USH2A: variants seen among roughly 807,000 people sequenced by gnomAD.
USH2A encodes the protein Usher syndrome 2A (autosomal recessive, mild).
A neutral mutation model predicts 538.9 loss-of-function variants in USH2A; 443 were observed. The ratio of observed to expected loss-of-function variants is 0.82; its 90% CI spans 0.76 to 0.89. The LOEUF (loss-of-function observed/expected upper bound fraction) is 0.89, where lower values mean the gene tolerates loss of function less well. Among genes scored for constraint, USH2A ranks in the 40% least tolerant of loss-of-function variants. USH2A has a pLI of 0.00. For synonymous variants in USH2A, 2,413 were observed against 2,273.5 expected (o/e 1.06, Z -1.75); for missense variants, 6,633 against 6,324.8 (o/e 1.05, Z -1.65).
intron 64 of USH2A, 144 bp downstream of exon 64, chr1:215,670,828 C>T (rs1031671904): frequency 7.1e-6 from 6 of 839,412 alleles, no homozygotes; most frequent in Non-Finnish European, 1.1e-5. Flanking sequence ...TCATTTACCA[C>T]TTAAAAATTT....
rs376077079 is a variant in USH2A, at chr1:215,671,273, G to C, written c.13832C>G (p.Ala4611Gly). The change falls in exon 64 of 72, where the codon GCG becomes GGG. Residue 4611 changes from alanine (A) to glycine (G), a missense_variant. Physicochemically the swap from Ala to Gly is moderately conservative, Grantham distance 60 (BLOSUM62 0). Coordinates refer to ENST00000307340, the MANE Select transcript of USH2A (RefSeq NM_206933.4). The stretch of plus-strand genomic sequence containing the variant: ...TGATGCACATCCCAGGGTGGTGCAC[G>C]CTTGAATTCGTATTTCATACCTTCA... ...PFHRYEIRIQ[A>G]CTTLGCASSD... 5 of 1,613,944 alleles carry C rather than the reference G, an allele frequency of 3.1e-6. No individual in the cohort carries two copies. The highest frequency in any genetic ancestry group is 4.2e-6 in the Non-Finnish European group (5 of 1,179,982).
chr1:216,274,794 C>T (rs2036640138), intron 11 of USH2A, among the ~76,000 whole-genome samples: 1 of 152,016 alleles, frequency 6.6e-6, no homozygotes. Context: ...TTTTCTTTTC[C>T]AGTCTACAAT....
In USH2A at chr1:216,337,665, T is replaced by C. The variant is rs564578441; in HGVS notation, c.785-10011A>G. Among the ~76,000 whole-genome samples the C allele has an allele frequency of 1.4e-3, 209 of 151,408 alleles. 1 individual carries two copies. Among genetic ancestry groups the C allele is most frequent in the Non-Finnish European group, 2.6e-3 (178 of 67,432 alleles). On this transcript the variant is annotated intron_variant, in intron 4 of 71. Transcript: ENST00000307340. ...TTTTTTTCCAAGATTGTTAAAGGAA[T>C]GTCTAGACCTCACAATCAGACAAAG...
chr1:216,230,876 A>T (rs2762676), intron 14 of USH2A, among the ~76,000 whole-genome samples: 21 of 75,174 alleles, frequency 2.8e-4, no homozygotes, highest in East Asian at 2.1e-3. Context: ...TCATAATCTC[A>T]CTCTCTCTCT....
rs980149675 is a variant in USH2A, at chr1:216,176,104, A to G, written c.4397-622T>C. 2.6e-5 allele frequency among the ~76,000 whole-genome samples: 4 copies of G among 152,346 alleles called. No individual in the cohort carries two copies. In the East Asian group the frequency reaches 7.7e-4, roughly 29 times the overall value. ...GGAATATTAACACGAGTTTGCCAAA[A>G]CTTTGTGCTTGTGTAAAAATACATC... On this transcript the variant is annotated intron_variant, in intron 20 of 71. Coordinates refer to ENST00000307340, the MANE Select transcript of USH2A (RefSeq NM_206933.4).
chr1:215,824,696 G>A (rs1340643118), intron 47 of USH2A, among the ~76,000 whole-genome samples: 3 of 152,120 alleles, frequency 2.0e-5, no homozygotes, highest in African/African-American at 4.8e-5. Flanking sequence ...AGAGCCCTTC[G>A]GGCACTCCTG....
At chr1:216,308,576 G>A (rs1200572997) in intron 9 of USH2A, among the ~76,000 whole-genome samples, 1 of 152,000 alleles carries the variant, frequency 6.6e-6, no homozygotes, top group Non-Finnish European at 1.5e-5. Flanking sequence ...AGTTATATAT[G>A]TGTTGTCTTG....
At chr1:216,082,506 G>C (rs1160244917) in intron 26 of USH2A, among the ~76,000 whole-genome samples, 4 of 148,840 alleles carry the variant, frequency 2.7e-5, no homozygotes, top group Non-Finnish European at 1.5e-5. Flanking sequence ...ACTCTTAAAA[G>C]CCAAGACTTG....
chr1:215,654,444 G>T (rs1657179330), intron 64 of USH2A, among the ~76,000 whole-genome samples: 1 of 152,186 alleles, frequency 6.6e-6, no homozygotes, highest in Non-Finnish European at 1.5e-5. Flanking sequence ...AAAGATTAAA[G>T]ATGATTAAAG....
In USH2A at chr1:216,234,742, G is replaced by A. The variant is rs1026321146; in HGVS notation, c.2810-2606C>T. 5.3e-5 allele frequency among the ~76,000 whole-genome samples: 8 copies of A among 152,070 alleles called. No individual in the cohort carries two copies. The East Asian group carries it at 7.7e-4, about 15-fold the overall frequency. Reference sequence around the variant, plus strand: ...CAGAGAATTTGGAAAAATTAAGGGTGATTTTTAGAAGAAATGATGTATTAG... The same window carrying A: ...CAGAGAATTTGGAAAAATTAAGGGTAATTTTTAGAAGAAATGATGTATTAG... On this transcript the variant is annotated intron_variant, in intron 13 of 71. Coordinates refer to ENST00000307340, the MANE Select transcript of USH2A (RefSeq NM_206933.4).
intron 60 of USH2A, among the ~76,000 whole-genome samples, chr1:215,733,809 T>A (rs1660074608): frequency 1.3e-5 from 2 of 152,248 alleles, no homozygotes; most frequent in Non-Finnish European, 2.9e-5. Flanking sequence ...CTGCAAGCAC[T>A]GACTCCTAAG....
At chr1:215,864,546 T>C (rs1025517887) in intron 44 of USH2A, among the ~76,000 whole-genome samples, 1 of 152,162 alleles carries the variant, frequency 6.6e-6, no homozygotes, top group African/African-American at 2.4e-5. Flanking sequence ...TTCCAGCTGA[T>C]AGTTTCCTTC....
At chr1:216,075,669 C>G (rs1304652510) in intron 27 of USH2A, among the ~76,000 whole-genome samples, 3 of 152,168 alleles carry the variant, frequency 2.0e-5, no homozygotes, top group African/African-American at 7.2e-5. Context: ...GCCTGTGAGA[C>G]CACATGCCAG....
At chr1:216,308,886 GT>G (rs1207995075) in intron 9 of USH2A, among the ~76,000 whole-genome samples, 1 of 152,146 alleles carries the variant, frequency 6.6e-6, no homozygotes, top group Non-Finnish European at 1.5e-5. Context: ...AAGTGTGCTT[GT>G]TTTTTGAGTA....
intron 4 of USH2A, among the ~76,000 whole-genome samples, chr1:216,342,899 A>C (rs1227484447): frequency 6.6e-6 from 1 of 152,064 alleles, no homozygotes; most frequent in Non-Finnish European, 1.5e-5. Context: ...CTTAAAACCT[A>C]GATGACAGGT....
At chr1:216,249,429 G>T (rs1201724125) in intron 12 of USH2A, among the ~76,000 whole-genome samples, 2 of 152,028 alleles carry the variant, frequency 1.3e-5, no homozygotes, top group African/African-American at 4.8e-5. Context: ...GTCTTTAAAG[G>T]TCTTGCTTTA....
At chr1:216,195,348 A>C (rs1313409611) in intron 19 of USH2A, among the ~76,000 whole-genome samples, 2 of 152,146 alleles carry the variant, frequency 1.3e-5, no homozygotes, top group South Asian at 4.1e-4. Context: ...CCTATGACCC[A>C]TGGGAGGTCC....
chr1:216,267,599 G>C (rs958087737), intron 11 of USH2A, among the ~76,000 whole-genome samples: 1 of 152,050 alleles, frequency 6.6e-6, no homozygotes, highest in Non-Finnish European at 1.5e-5. Flanking sequence ...CAGGCACCAC[G>C]ACATCTCTTT....
chr1:216,271,457 G>T (rs1399901254), intron 11 of USH2A, among the ~76,000 whole-genome samples: 9 of 151,940 alleles, frequency 5.9e-5, no homozygotes, highest in Non-Finnish European at 2.9e-5. Flanking sequence ...TCTATACAGT[G>T]GCATATTTTC....
Sources: gnomAD v4.1 joint callset for allele counts (sites outside exome capture counted in the v4.1 genomes callset) on GRCh38, gnomAD v4.1.1 for gene constraint, MANE v1.5 for transcripts, NCBI Gene and HGNC (gene_info 2026-07-23, HGNC 2026-07-21) for gene names.